Variants in COPZ2 observed in about 807,000 individuals in gnomAD.
COPZ2 encodes the protein coatomer subunit zeta-2.
COPZ2 carries 30 observed loss-of-function variants against 33.2 expected under a neutral mutation model. That is an observed-to-expected ratio of 0.90 (90% CI 0.68 to 1.23). COPZ2 has a LOEUF of 1.23. Ranked by LOEUF, COPZ2 falls within the 50% of genes most tolerant of loss-of-function variation. COPZ2 has a pLI of 0.00. For synonymous variants in COPZ2, 89 were observed against 102.6 expected (o/e 0.87, Z 0.80); for missense variants, 263 against 262.4 (o/e 1.00, Z -0.02).
At chr17:48,037,916 A>T, upstream of COPZ2, 2 of 798,222 alleles carry the variant, frequency 2.5e-6, no homozygotes, top group Non-Finnish European at 2.8e-6. This position sits in a 1 kb window ranked among gnomAD's most constrained non-coding sequence, Gnocchi z 5.6. Flanking sequence ...GTTCTCCCCC[A>T]TCTCCCCTCC....
chr17:48,031,475 A>T (rs1402865851), intron 6 of COPZ2, among the ~76,000 whole-genome samples: 1 of 151,880 alleles, frequency 6.6e-6, no homozygotes, highest in Non-Finnish European at 1.5e-5. Context: ...AAAAAAAGAA[A>T]TTTTTATTAT....
Position 48,037,147 on chromosome 17 carries a change from C to T in COPZ2, c.112-222G>A, listed in dbSNP as rs750845974. Reference sequence around the variant, plus strand: ...GCAGGCCCCGAGTGGGCGCTGTGCCCGTTGGGTGCAGAAGGTCCTTCCGGG... The same window carrying T: ...GCAGGCCCCGAGTGGGCGCTGTGCCTGTTGGGTGCAGAAGGTCCTTCCGGG... On this transcript the variant is annotated intron_variant, in intron 1 of 8. Coordinates refer to ENST00000621465, the MANE Select transcript of COPZ2 (RefSeq NM_016429.4). The surrounding 1 kb of genome is among the most constrained non-coding windows in gnomAD (Gnocchi z 5.6). 14 of 762,278 alleles carry T rather than the reference C, an allele frequency of 1.8e-5. No individual in the cohort carries two copies. The highest frequency in any genetic ancestry group is 2.9e-5 in the Non-Finnish European group (12 of 407,418). The allele number at this position is 762,278 out of a possible 1,614,324, so 47.2% of individuals were successfully genotyped here.
At chr17:48,035,956 T>C (rs1892493669) in intron 2 of COPZ2, among the ~76,000 whole-genome samples, 1 of 152,000 alleles carries the variant, frequency 6.6e-6, no homozygotes, top group African/African-American at 2.4e-5. Context: ...GGTTTCACCA[T>C]GTTGTCCAGG....
chr17:48,043,328 A>G, the COPZ2 span, among the ~76,000 whole-genome samples: 1 of 152,090 alleles, frequency 6.6e-6, no homozygotes, highest in South Asian at 2.1e-4. Context: ...AGGGGAGACC[A>G]TTTCATTTCC....
chr17:48,043,468 A>G, the COPZ2 span: 1 of 952,200 alleles, frequency 1.1e-6, no homozygotes, highest in Non-Finnish European at 1.3e-6. Flanking sequence ...CTTAATGTCA[A>G]GAGGGGGAGG....
At chr17:48,043,872 C>T in the COPZ2 span, among the ~76,000 whole-genome samples, 1 of 152,140 alleles carries the variant, frequency 6.6e-6, no homozygotes, top group Non-Finnish European at 1.5e-5. Flanking sequence ...TTGAGTGTGA[C>T]ATGTCACACA....
intron 5 of COPZ2, 94 bp downstream of exon 5, chr17:48,032,592 T>A: frequency 1.0e-6 from 1 of 1,002,982 alleles, no homozygotes; most frequent in Non-Finnish European, 1.5e-6. Context: ...ATCTTAGTCT[T>A]GTGGGGACTT....
chr17:48,041,607 C>G (rs973835655), upstream of COPZ2, among the ~76,000 whole-genome samples: 8 of 152,292 alleles, frequency 5.3e-5, no homozygotes, highest in Non-Finnish European at 1.2e-4. Context: ...ACCTTTCTTG[C>G]AGGCTATCAG....
At chr17:48,038,840 C>G (rs2037031841), upstream of COPZ2, among the ~76,000 whole-genome samples, 1 of 152,236 alleles carries the variant, frequency 6.6e-6, no homozygotes, top group South Asian at 2.1e-4. Flanking sequence ...ATCTTCAAGC[C>G]TCTGCTGAAA....
chr17:48,030,955 G>A (rs2036886492), intron 6 of COPZ2, among the ~76,000 whole-genome samples: 1 of 152,162 alleles, frequency 6.6e-6, no homozygotes, highest in Non-Finnish European at 1.5e-5. Context: ...TCTGCAGGAG[G>A]CATTCCTTAG....
chr17:48,030,289 AACACACACACAC>A lies in COPZ2; in HGVS notation c.495-1125_495-1114del, dbSNP rs71935471. Among the ~76,000 whole-genome samples the A allele has an allele frequency of 1.3e-3, 167 of 128,418 alleles. 1 individual carries two copies. Among genetic ancestry groups the A allele is most frequent in the Non-Finnish European group, 2.1e-3 (118 of 56,614 alleles). 84.2% of individuals were successfully genotyped at this position (128,418 alleles called of 152,430 possible). A position where few individuals can be genotyped will look rare whatever the true frequency, so the allele number is the denominator to read the frequency against. On this transcript the variant is annotated intron_variant, in intron 6 of 8. Coordinates refer to ENST00000621465, the MANE Select transcript of COPZ2 (RefSeq NM_016429.4). ...GCGACAGAGTGAGACTCCATCTCAA[AACACACACACAC>A]ACACACACACACACACACACACACA...
At chr17:48,040,144 A>ACC (rs2037047996), upstream of COPZ2, among the ~76,000 whole-genome samples, 1 of 112,832 alleles carries the variant, frequency 8.9e-6, no homozygotes. Flanking sequence ...CCACACACAC[A>ACC]CACACACACA....
At chr17:48,038,829 T>C (rs992191746), upstream of COPZ2, among the ~76,000 whole-genome samples, 6 of 152,260 alleles carry the variant, frequency 3.9e-5, no homozygotes, top group Non-Finnish European at 7.3e-5. Context: ...CAAGTCTTCT[T>C]ATCTTCAAGC....
At position 48,037,112 on chromosome 17, in the gene COPZ2, A is replaced by G. The variant is rs746758773; in HGVS notation, c.112-187T>C. ...AGGTGCCCACTCCACTCCCAGGCAG[A>G]TGTTCCACTGCAGGCCCCGAGTGGG... On this transcript the variant is annotated intron_variant, in intron 1 of 8. Transcript: ENST00000621465. The surrounding 1 kb of genome is among the most constrained non-coding windows in gnomAD (Gnocchi z 5.6). 6 of 771,712 alleles carry G rather than the reference A, an allele frequency of 7.8e-6. No individual in the cohort carries two copies. The highest frequency in any genetic ancestry group is 1.7e-5 in the African/African-American group (1 of 59,060). 47.8% of individuals were successfully genotyped at this position (771,712 alleles called of 1,614,324 possible). A position where few individuals can be genotyped will look rare whatever the true frequency, so the allele number is the denominator to read the frequency against.
Position 48,033,250 on chromosome 17 carries a change from G to A in COPZ2, c.321C>T (p.Asp107=). 1 of 1,613,322 alleles carries A rather than the reference G, an allele frequency of 6.2e-7. No homozygotes were observed. The change falls in exon 4 of 9, where the codon GAC becomes GAT. Residue 107 remains aspartate (D), a synonymous_variant. Coordinates refer to ENST00000621465, the MANE Select transcript of COPZ2 (RefSeq NM_016429.4). ...ATGAGCCCACCACGTATAGGAAGAG[G>A]TCAATGCTGTTCTTGTAGACGATGG... The part of the protein sequence containing the change: ...GMTIVYKNSI[D]LFLYVVGSSY...
intron 4 of COPZ2, chr17:48,032,975 AG>A (rs1280084160): frequency 1.7e-6 from 1 of 595,520 alleles, no homozygotes; most frequent in East Asian, 2.8e-5. Context: ...AGAAGGACAA[AG>A]CCTCCCTTGA....
intron 6 of COPZ2, 193 bp from the exon 7 acceptor site, chr17:48,029,369 T>G (rs2036859926): frequency 3.1e-6 from 2 of 649,654 alleles, no homozygotes; most frequent in Non-Finnish European, 5.5e-6. Flanking sequence ...GATTCTTTGA[T>G]GCTTCAACCC....
chr17:48,027,401 G>T (rs1305967864), intron 8 of COPZ2, among the ~76,000 whole-genome samples: 1 of 152,226 alleles, frequency 6.6e-6, no homozygotes, highest in Non-Finnish European at 1.5e-5. Context: ...ACTCCATGAA[G>T]AGGGTCCTGT....
chr17:48,031,422 C>T (rs2036892880), intron 6 of COPZ2, among the ~76,000 whole-genome samples: 1 of 148,406 alleles, frequency 6.7e-6, no homozygotes, highest in Non-Finnish European at 1.5e-5. Flanking sequence ...ACTTACTGCA[C>T]ACCAGCCTGG....
Sources: allele counts gnomAD v4.1 joint callset (sites outside exome capture counted in the v4.1 genomes callset), GRCh38; gene constraint gnomAD v4.1.1; non-coding constraint Gnocchi (gnomAD v3.1); transcripts MANE v1.5; gene names NCBI Gene and HGNC (gene_info 2026-07-23, HGNC 2026-07-21).